Variants in ATP8B4 observed in about 807,000 individuals in gnomAD.
ATP8B4 encodes the protein probable phospholipid-transporting ATPase IM.
In ATP8B4, 133 loss-of-function variants were observed where a neutral mutation model predicts 145.6. That is an observed-to-expected ratio of 0.91 (90% CI 0.79 to 1.05). The LOEUF (loss-of-function observed/expected upper bound fraction) is 1.05, where lower values mean the gene tolerates loss of function less well. Among genes scored for constraint, ATP8B4 ranks in the 50% least tolerant of loss-of-function variants. The probability of loss-of-function intolerance (pLI) is 0.00; values close to 1 mark genes in which losing one functional copy is unlikely to be tolerated. For missense variants in ATP8B4, 1,458 were observed against 1,425.2 expected (o/e 1.02, Z -0.37); for synonymous variants, 507 against 492.9 (o/e 1.03, Z -0.38).
At chr15:50,056,338 T>C (rs1041520238) in intron 3 of ATP8B4, among the ~76,000 whole-genome samples, 14 of 152,118 alleles carry the variant, frequency 9.2e-5, no homozygotes, top group African/African-American at 2.7e-4. Flanking sequence ...GTTTGTATGT[T>C]AGTTGTGGAG....
At chr15:50,176,447 T>C (rs1015992732) in intron 1 of ATP8B4, among the ~76,000 whole-genome samples, 2 of 151,876 alleles carry the variant, frequency 1.3e-5, no homozygotes, top group Non-Finnish European at 2.9e-5. Flanking sequence ...TGCACCAAAA[T>C]CTCACAAATC....
intron 23 of ATP8B4, among the ~76,000 whole-genome samples, chr15:49,891,781 T>C (rs555122011): frequency 4.6e-5 from 7 of 152,162 alleles, no homozygotes; most frequent in Admixed American, 3.9e-4. Context: ...GACAATGTCA[T>C]GTGACTCACA....
chr15:49,954,179 C>T lies in ATP8B4; in HGVS notation c.1287+7798G>A, dbSNP rs2043347953. ...TTTGGGTCTCAGACTGGCTTTCTTG[C>T]TCCTCAGCTTGCAGATGGCCTATTG... On this transcript the variant is annotated intron_variant, in intron 14 of 27. Coordinates refer to ENST00000284509, the MANE Select transcript of ATP8B4 (RefSeq NM_024837.4). Among the ~76,000 whole-genome samples the T allele has an allele frequency of 2.0e-5, 3 of 152,170 alleles. No homozygotes were observed. In the South Asian group the frequency reaches 6.2e-4, roughly 32 times the overall value.
chr15:50,046,479 C>G (rs1300965964), intron 4 of ATP8B4, among the ~76,000 whole-genome samples: 1 of 152,182 alleles, frequency 6.6e-6, no homozygotes, highest in African/African-American at 2.4e-5. Context: ...TCCAGTAATA[C>G]CTGAAATGAG....
At chr15:50,091,855 A>T (rs796815337) in intron 2 of ATP8B4, among the ~76,000 whole-genome samples, 1 of 152,192 alleles carries the variant, frequency 6.6e-6, no homozygotes, top group Non-Finnish European at 1.5e-5. Context: ...TATATAATGC[A>T]GTAACTTGTG....
At chr15:50,156,354 C>A (rs2044419856) in intron 1 of ATP8B4, among the ~76,000 whole-genome samples, 1 of 151,748 alleles carries the variant, frequency 6.6e-6, no homozygotes, top group Non-Finnish European at 1.5e-5. Flanking sequence ...AAACTTCAAT[C>A]CTTCAATTAA....
chr15:49,893,975 A>G (rs1002204651), intron 23 of ATP8B4, among the ~76,000 whole-genome samples: 2 of 152,204 alleles, frequency 1.3e-5, no homozygotes, highest in African/African-American at 4.8e-5. Flanking sequence ...TGTCAACAAT[A>G]TCATGATTCT....
At chr15:50,122,374 A>G (rs1205433862), upstream of ATP8B4, among the ~76,000 whole-genome samples, 4 of 152,198 alleles carry the variant, frequency 2.6e-5, no homozygotes, top group African/African-American at 9.6e-5. Flanking sequence ...AGATGAGGAG[A>G]TTCTGCAATT....
At chr15:49,917,160 G>A (rs35453457) in intron 19 of ATP8B4, 121 bp from the exon 20 acceptor site, 138,109 of 859,072 alleles carry the variant, frequency 0.16, 13,650 homozygotes, top group East Asian at 0.41. Context: ...TGATGTCAGA[G>A]AGAGCACAAC....
At chr15:50,105,701 T>C (rs1031578573) in intron 2 of ATP8B4, among the ~76,000 whole-genome samples, 3 of 152,160 alleles carry the variant, frequency 2.0e-5, no homozygotes, top group Non-Finnish European at 4.4e-5. Flanking sequence ...TACAGCGACT[T>C]ATGCTTTCTT....
intron 2 of ATP8B4, among the ~76,000 whole-genome samples, chr15:50,102,428 C>T (rs796498361): frequency 6.6e-6 from 1 of 152,038 alleles, no homozygotes; most frequent in Non-Finnish European, 1.5e-5. Flanking sequence ...ACCAATACCA[C>T]AGAAATACAA....
chr15:50,128,536 C>T (rs1022619162), intron 1 of ATP8B4, among the ~76,000 whole-genome samples: 1 of 152,212 alleles, frequency 6.6e-6, no homozygotes, highest in Non-Finnish European at 1.5e-5. Flanking sequence ...GCTCCCACTT[C>T]CCTCTACTGT....
At chr15:50,162,053 T>A (rs1472371320) in intron 1 of ATP8B4, among the ~76,000 whole-genome samples, 5 of 152,108 alleles carry the variant, frequency 3.3e-5, no homozygotes, top group Non-Finnish European at 7.4e-5. Context: ...AGGATAAAAA[T>A]TTTTTTTACC....
chr15:49,876,432 C>T lies in ATP8B4; in HGVS notation c.2873G>A (p.Cys958Tyr), dbSNP rs1168546459. The change falls in exon 25 of 28, where the codon TGC (cysteine) becomes TAC (tyrosine). Residue 958 changes from cysteine to tyrosine, a missense_variant. Cys to Tyr is a radical substitution (Grantham distance 194). Transcript: ENST00000284509. Reference sequence around the variant, plus strand: ...TGAGGTGTAGATTCCATGCAACACGCAAATGAAAAATTTACGCTTGTTAAA... The same window carrying T: ...TGAGGTGTAGATTCCATGCAACACGTAAATGAAAAATTTACGCTTGTTAAA... ...LLFNKRKFFI[C>Y]VLHGIYTSLV... 2.5e-6 allele frequency: 4 copies of T among 1,613,544 alleles called. No individual in the cohort carries two copies. In the African/African-American group the frequency reaches 5.4e-5, roughly 22 times the overall value.
rs534885976 is a variant in ATP8B4, at chr15:50,131,727, T to C, written c.-42-24719A>G. 1.3e-4 allele frequency among the ~76,000 whole-genome samples: 20 copies of C among 148,242 alleles called. 1 individual carries two copies. The East Asian group carries it at 3.9e-3, about 29-fold the overall frequency. On this transcript the variant is annotated intron_variant, in intron 1 of 3. Transcript: ENST00000558829. ...TATCTTTGGAATAATACTAACAATA[T>C]TTATATATTATTATATTCATATAAT...
chr15:50,087,703 A>C (rs923265758), intron 2 of ATP8B4, among the ~76,000 whole-genome samples: 1 of 152,038 alleles, frequency 6.6e-6, no homozygotes. Context: ...AGTTTTTCCA[A>C]GGTTGACCAT....
intron 1 of ATP8B4, among the ~76,000 whole-genome samples, chr15:50,126,581 C>T (rs1304649287): frequency 2.0e-5 from 3 of 152,174 alleles, no homozygotes; most frequent in African/African-American, 7.2e-5. Context: ...CATCTTATGA[C>T]TATAACTTCT....
At chr15:49,897,845 C>T (rs371225886) in intron 22 of ATP8B4, among the ~76,000 whole-genome samples, 5 of 152,110 alleles carry the variant, frequency 3.3e-5, no homozygotes, top group Non-Finnish European at 7.4e-5. Flanking sequence ...AGGTGAACGA[C>T]GTCTTTTTCT....
At chr15:50,009,483 T>A (rs954659544) in intron 7 of ATP8B4, 36 of 322,412 alleles carry the variant, frequency 1.1e-4, no homozygotes, top group Non-Finnish European at 2.0e-4. Context: ...TGGTCTAGCA[T>A]CTTATTTGAC....
Sources: gnomAD v4.1 joint callset for allele counts (sites outside exome capture counted in the v4.1 genomes callset) on GRCh38, gnomAD v4.1.1 for gene constraint, MANE v1.5 for transcripts, NCBI Gene and HGNC (gene_info 2026-07-23, HGNC 2026-07-21) for gene names.